ADAM22: variants seen among roughly 807,000 people sequenced by gnomAD.
ADAM22 encodes ADAM metallopeptidase domain 22.
In ADAM22, 65 loss-of-function variants were observed where a neutral mutation model predicts 144.6. That is an observed-to-expected ratio of 0.45 (90% CI 0.37 to 0.55). The LOEUF (loss-of-function observed/expected upper bound fraction) is 0.55, where lower values mean the gene tolerates loss of function less well. Ranked by LOEUF, ADAM22 falls within the 20% of genes least tolerant of loss-of-function variation. The probability of loss-of-function intolerance (pLI) is 0.00; values close to 1 mark genes in which losing one functional copy is unlikely to be tolerated. For missense variants in ADAM22, 974 were observed against 1,184.9 expected (o/e 0.82, Z 2.61); for synonymous variants, 391 against 412.6 (o/e 0.95, Z 0.63).
chr7:88,037,128 C>A (rs114687408), intron 3 of ADAM22, among the ~76,000 whole-genome samples: 1 of 152,094 alleles, frequency 6.6e-6, no homozygotes, highest in East Asian at 1.9e-4. Context: ...AACATATTTG[C>A]GCAGTAGAGC....
intron 29 of ADAM22, chr7:88,186,393 G>A (rs1848321022): frequency 3.8e-6 from 2 of 520,548 alleles, no homozygotes; most frequent in African/African-American, 2.0e-5. Context: ...TCCCAGAAAT[G>A]TTGAATATAT....
chr7:87,957,341 T>C (rs1057307211), intron 2 of ADAM22, among the ~76,000 whole-genome samples: 1 of 152,198 alleles, frequency 6.6e-6, no homozygotes, highest in African/African-American at 2.4e-5. Context: ...TTGTTTAATA[T>C]AAAAAGCTTA....
At chr7:88,049,506 C>T (rs1395698432) in intron 3 of ADAM22, among the ~76,000 whole-genome samples, 3 of 152,206 alleles carry the variant, frequency 2.0e-5, no homozygotes, top group African/African-American at 7.2e-5. Flanking sequence ...TCAAGCAATT[C>T]TCCTGCCTCA....
intron 4 of ADAM22, among the ~76,000 whole-genome samples, chr7:88,095,589 A>G (rs1170183956): frequency 6.6e-6 from 1 of 152,176 alleles, no homozygotes; most frequent in African/African-American, 2.4e-5. Context: ...GCTCACATTC[A>G]TGCGTTTTCT....
intron 3 of ADAM22, among the ~76,000 whole-genome samples, chr7:88,002,051 G>A (rs1792690656): frequency 6.6e-6 from 1 of 151,960 alleles, no homozygotes; most frequent in African/African-American, 2.4e-5. Context: ...TATAAACTTT[G>A]CCAAGTAGTC....
chr7:88,139,946 G>A (rs1834117524), intron 14 of ADAM22, among the ~76,000 whole-genome samples: 4 of 152,114 alleles, frequency 2.6e-5, no homozygotes, highest in Admixed American at 1.3e-4. Context: ...AAAGAAAAGA[G>A]GCTTACTTGG....
intron 3 of ADAM22, among the ~76,000 whole-genome samples, chr7:88,055,901 T>G (rs1808132730): frequency 6.6e-6 from 1 of 152,214 alleles, no homozygotes; most frequent in Non-Finnish European, 1.5e-5. Flanking sequence ...TTTTCTTATC[T>G]TCAACCCCTA....
chr7:88,008,422 A>G (rs2129458911), intron 3 of ADAM22, among the ~76,000 whole-genome samples: 1 of 151,832 alleles, frequency 6.6e-6, no homozygotes, highest in South Asian at 2.1e-4. Context: ...AGGACTATAA[A>G]TCATGCTGCT....
chr7:87,935,971 C>T (rs1010644883), intron 2 of ADAM22, among the ~76,000 whole-genome samples: 1 of 152,142 alleles, frequency 6.6e-6, no homozygotes, highest in Non-Finnish European at 1.5e-5. Flanking sequence ...ATCAGCTGAT[C>T]AGGCAGTTCA....
At chr7:87,966,626 A>G (rs764234859) in intron 2 of ADAM22, among the ~76,000 whole-genome samples, 6 of 150,690 alleles carry the variant, frequency 4.0e-5, no homozygotes, top group Non-Finnish European at 5.9e-5. Context: ...AGGGAATCAC[A>G]AGAGTTCCGG....
chr7:88,063,095 G>A (rs1378002862), intron 3 of ADAM22, among the ~76,000 whole-genome samples: 1 of 152,132 alleles, frequency 6.6e-6, no homozygotes, highest in Non-Finnish European at 1.5e-5. Flanking sequence ...TTGGAAAATG[G>A]CGCTGATAGA....
chr7:87,975,074 G>C (rs1379540506), intron 2 of ADAM22, among the ~76,000 whole-genome samples: 1 of 152,128 alleles, frequency 6.6e-6, no homozygotes, highest in Non-Finnish European at 1.5e-5. Flanking sequence ...CATGTTCGTA[G>C]GTTCTGGATA....
intron 22 of ADAM22, among the ~76,000 whole-genome samples, chr7:88,161,126 A>T (rs967918525): frequency 7.9e-5 from 12 of 151,872 alleles, no homozygotes; most frequent in Admixed American, 2.0e-4. Flanking sequence ...ATAATAATAA[A>T]AAACCAACCC....
chr7:88,057,476 T>C (rs961883068), intron 3 of ADAM22, among the ~76,000 whole-genome samples: 1 of 152,216 alleles, frequency 6.6e-6, no homozygotes, highest in African/African-American at 2.4e-5. Flanking sequence ...AAAGATAAGC[T>C]TTAATTAAGT....
At chr7:88,084,285 G>C (rs79536319) in intron 4 of ADAM22, among the ~76,000 whole-genome samples, 4 of 152,300 alleles carry the variant, frequency 2.6e-5, no homozygotes, top group South Asian at 2.1e-4. Flanking sequence ...AATCTTTGCT[G>C]ATTTTCCAAC....
chr7:88,180,227 T>C (rs547810213), intron 27 of ADAM22, among the ~76,000 whole-genome samples: 2 of 152,222 alleles, frequency 1.3e-5, no homozygotes, highest in South Asian at 4.1e-4. Context: ...AGAATAATGT[T>C]TTAAAAAATG....
At position 88,171,553 on chromosome 7, in the gene ADAM22, A is replaced by C; in HGVS notation, c.2292A>C (p.Arg764=). Residue 764 remains arginine, a synonymous_variant, in exon 26 of 32, where the codon CGA becomes CGC. Transcript: ENST00000413139. ...GITAWGYKNY[R]EQRQLPQGDY... ...TCTTGTCCATGAAAAGAAACTATCG[A>C]GAACAGAGGTATGTAATACAAATAA... 6.3e-7 allele frequency: 1 copy of C among 1,591,548 alleles called. No individual in the cohort carries two copies. Among genetic ancestry groups the C allele is most frequent in the Non-Finnish European group, 8.5e-7 (1 of 1,171,852 alleles).
chr7:87,946,152 A>C (rs1332341131), intron 2 of ADAM22, among the ~76,000 whole-genome samples: 2 of 150,304 alleles, frequency 1.3e-5, no homozygotes, highest in African/African-American at 4.9e-5. Flanking sequence ...CATTTTTTTT[A>C]CTTGTTTGTT....
intron 3 of ADAM22, among the ~76,000 whole-genome samples, chr7:88,026,691 C>G (rs1471421260): frequency 6.6e-6 from 1 of 152,198 alleles, no homozygotes; most frequent in Non-Finnish European, 1.5e-5. Flanking sequence ...TGACTTCTCC[C>G]TTTCCAATTT....
Sources: allele counts gnomAD v4.1 joint callset (sites outside exome capture counted in the v4.1 genomes callset), GRCh38; gene constraint gnomAD v4.1.1; transcripts MANE v1.5; gene names NCBI Gene and HGNC (gene_info 2026-07-23, HGNC 2026-07-21).